The following SUGCT variants were observed in gnomAD, a reference collection of about 807,000 sequenced individuals.
SUGCT encodes succinyl-CoA:glutarate-CoA transferase.
Under a neutral mutation model 55.0 loss-of-function variants are expected in SUGCT, and 41 were observed. The observed-to-expected ratio is 0.74, with a 90% CI of 0.58 to 0.97. The LOEUF is 0.97. SUGCT is among the 50% of genes least tolerant of loss of function. The pLI is 0.00. For missense variants in SUGCT, 568 were observed against 547.8 expected (o/e 1.04, Z -0.37); for synonymous variants, 187 against 200.4 (o/e 0.93, Z 0.56).
At chr7:40,218,916 C>G (rs1042648893) in intron 6 of SUGCT, among the ~76,000 whole-genome samples, 5 of 152,166 alleles carry the variant, frequency 3.3e-5, no homozygotes, top group Admixed American at 6.6e-5. Context: ...GCTGGCCACC[C>G]GAGCCAGTGG....
chr7:40,464,399 G>T (rs1384244227), intron 11 of SUGCT, among the ~76,000 whole-genome samples: 3 of 152,174 alleles, frequency 2.0e-5, no homozygotes, highest in African/African-American at 7.2e-5. Context: ...TTTAATCTGG[G>T]AAATCAGGGA....
chr7:40,658,016 T>C (rs966533991), intron 12 of SUGCT, among the ~76,000 whole-genome samples: 1 of 152,170 alleles, frequency 6.6e-6, no homozygotes, highest in Non-Finnish European at 1.5e-5. Context: ...GGGAATTGAA[T>C]TAAATTATTA....
chr7:40,162,332 G>C (rs1784210001), intron 1 of SUGCT, among the ~76,000 whole-genome samples: 1 of 152,190 alleles, frequency 6.6e-6, no homozygotes, highest in Non-Finnish European at 1.5e-5. Context: ...GATATGTTAG[G>C]AATCTGCTTT....
At chr7:40,319,214 G>C (rs994006641) in intron 9 of SUGCT, among the ~76,000 whole-genome samples, 1 of 152,120 alleles carries the variant, frequency 6.6e-6, no homozygotes, top group Non-Finnish European at 1.5e-5. Flanking sequence ...AATCTACCAG[G>C]TTATTTCCTC....
Position 40,373,789 on chromosome 7 carries a change from T to A in SUGCT, c.816+56934T>A, listed in dbSNP as rs146935493. Among the ~76,000 whole-genome samples, 107 of 152,262 alleles carry A rather than the reference T, an allele frequency of 7.0e-4. 1 individual carries two copies. Among genetic ancestry groups the A allele is most frequent in the Admixed American group, 4.6e-3 (70 of 15,292 alleles). On this transcript the variant is annotated intron_variant, in intron 9 of 13. Transcript: ENST00000335693. ...CAGGAGTTTTGACAAGATAACTGTT[T>A]TAATAAAAATGAGTCAATAACAGGA... is the stretch of plus-strand genomic sequence containing the variant.
chr7:40,492,946 A>G (rs1048415780), intron 11 of SUGCT, among the ~76,000 whole-genome samples: 1 of 152,190 alleles, frequency 6.6e-6, no homozygotes, highest in African/African-American at 2.4e-5. Context: ...ACTCTTGCTA[A>G]AAGCATCGGG....
intron 9 of SUGCT, among the ~76,000 whole-genome samples, chr7:40,434,030 G>T (rs544977659): frequency 6.6e-6 from 1 of 152,180 alleles, no homozygotes; most frequent in East Asian, 1.9e-4. Flanking sequence ...TTAGAGATCT[G>T]GAAATAATTA....
intron 1 of SUGCT, among the ~76,000 whole-genome samples, chr7:40,159,959 T>G (rs1479174393): frequency 6.6e-6 from 1 of 152,198 alleles, no homozygotes; most frequent in East Asian, 1.9e-4. Context: ...ATATCTATTT[T>G]TTGTTGTTGC....
At chr7:40,689,219 A>T (rs1784585376) in intron 12 of SUGCT, among the ~76,000 whole-genome samples, 1 of 152,202 alleles carries the variant, frequency 6.6e-6, no homozygotes, top group African/African-American at 2.4e-5. Flanking sequence ...CTGTCAAGTA[A>T]TAGAAAAGGT....
chr7:40,770,922 G>A (rs1789067530), intron 13 of SUGCT, among the ~76,000 whole-genome samples: 1 of 152,100 alleles, frequency 6.6e-6, no homozygotes, highest in African/African-American at 2.4e-5. Context: ...TTTGAGGCAG[G>A]AGCTCTGTGA....
chr7:40,693,762 G>A (rs1344841518), intron 12 of SUGCT, among the ~76,000 whole-genome samples: 1 of 152,212 alleles, frequency 6.6e-6, no homozygotes, highest in Non-Finnish European at 1.5e-5. Context: ...CCTCACTGGT[G>A]CATTAGCTGG....
chr7:40,142,137 TGGTGGAGCAGGTAATCAGAATGAGTCAA>T (rs1313888828), intron 1 of SUGCT, among the ~76,000 whole-genome samples: 1 of 151,940 alleles, frequency 6.6e-6, no homozygotes, highest in Non-Finnish European at 1.5e-5. Context: ...GAATTAGTCA[TGGTGGAGCAGGTAATCAGAATGAGTCAA>T]GGTGAAGCAG....
chr7:40,265,139 A>C (rs1791481571), intron 7 of SUGCT, among the ~76,000 whole-genome samples: 1 of 152,250 alleles, frequency 6.6e-6, no homozygotes, highest in Non-Finnish European at 1.5e-5. Flanking sequence ...AGGATACAAA[A>C]AAAATTTCTG....
intron 12 of SUGCT, among the ~76,000 whole-genome samples, chr7:40,718,868 A>G (rs1457115344): frequency 6.6e-6 from 1 of 152,244 alleles, no homozygotes; most frequent in Non-Finnish European, 1.5e-5. Flanking sequence ...ATATTTATTT[A>G]TAATCTTTTC....
chr7:40,480,430 C>A (rs140781188), intron 11 of SUGCT, among the ~76,000 whole-genome samples: 1 of 152,100 alleles, frequency 6.6e-6, no homozygotes, highest in East Asian at 1.9e-4. Context: ...GTTTTGTGAT[C>A]TATTTTGAAA....
At chr7:40,435,294 C>G (rs1788109894) in intron 9 of SUGCT, among the ~76,000 whole-genome samples, 1 of 152,178 alleles carries the variant, frequency 6.6e-6, no homozygotes, top group Non-Finnish European at 1.5e-5. Context: ...CAGCATGTCA[C>G]TTTAACTAAT....
intron 7 of SUGCT, among the ~76,000 whole-genome samples, chr7:40,271,725 C>T (rs913356506): frequency 6.6e-6 from 1 of 151,992 alleles, no homozygotes; most frequent in Non-Finnish European, 1.5e-5. Flanking sequence ...AATGTACAGC[C>T]TTTTGATGTT....
the SUGCT span, among the ~76,000 whole-genome samples, chr7:40,886,499 T>C: frequency 1.3e-5 from 2 of 152,072 alleles, no homozygotes. Context: ...GTATTACAGG[T>C]AGAGAATGAA....
At chr7:40,996,409 A>T in the SUGCT span, among the ~76,000 whole-genome samples, 11 of 152,292 alleles carry the variant, frequency 7.2e-5, no homozygotes, top group African/African-American at 2.6e-4. Context: ...CAGTTGGAGC[A>T]GTGAGATTTG....
Sources: gnomAD v4.1 joint callset for allele counts (sites outside exome capture counted in the v4.1 genomes callset) on GRCh38, gnomAD v4.1.1 for gene constraint, MANE v1.5 for transcripts, NCBI Gene and HGNC (gene_info 2026-07-23, HGNC 2026-07-21) for gene names.